Variants in KCND2 observed in about 807,000 individuals in gnomAD.
KCND2 encodes A-type voltage-gated potassium channel KCND2.
A neutral mutation model predicts 54.4 loss-of-function variants in KCND2; 16 were observed. The observed-to-expected ratio is 0.29, with a 90% confidence interval of 0.20 to 0.45. KCND2 has a LOEUF of 0.45. Among genes scored for constraint, KCND2 ranks in the 20% least tolerant of loss-of-function variants. The pLI, the probability that KCND2 is intolerant of heterozygous loss-of-function variation, is 1.00. For missense variants in KCND2, 486 were observed against 824.2 expected, an observed-to-expected ratio of 0.59 and a Z score of 5.02; for synonymous variants, 317 against 310.7, an observed-to-expected ratio of 1.02 and a Z score of -0.21.
At chr7:120,305,931 C>T (rs1329030228) in intron 1 of KCND2, among the ~76,000 whole-genome samples, 1 of 152,172 alleles carries the variant, frequency 6.6e-6, no homozygotes, top group Non-Finnish European at 1.5e-5. Context: ...ACTTACCTGG[C>T]TTCACCTTTG....
At chr7:120,611,258 C>G (rs1330188632) in intron 1 of KCND2, among the ~76,000 whole-genome samples, 1 of 152,146 alleles carries the variant, frequency 6.6e-6, no homozygotes, top group Non-Finnish European at 1.5e-5. Context: ...TCTTTTTGTG[C>G]TTTTTAAAAA....
rs933011990 is a variant in KCND2, at chr7:120,600,861, G to T, written c.1116-132042G>T. On this transcript the variant is annotated intron_variant, in intron 1 of 5. Transcript: ENST00000331113. ...GTTAACTGAACAACTCAATGAATCA[G>T]TAAATCAATGGTCATGTATAATTTT... Among the ~76,000 whole-genome samples the T allele has an allele frequency of 1.5e-4, 23 of 152,024 alleles. 1 individual carries two copies. The East Asian group carries it at 4.2e-3, about 28-fold the overall frequency.
At chr7:120,384,890 T>C (rs1017126533) in intron 1 of KCND2, among the ~76,000 whole-genome samples, 2 of 152,096 alleles carry the variant, frequency 1.3e-5, no homozygotes, top group African/African-American at 4.8e-5. Context: ...GGAAAAAAGA[T>C]TGAGTTTCGG....
intron 1 of KCND2, among the ~76,000 whole-genome samples, chr7:120,633,527 C>A (rs1183834606): frequency 6.6e-6 from 1 of 152,142 alleles, no homozygotes; most frequent in Admixed American, 6.5e-5. Context: ...GCTGAACCAT[C>A]CAAATCATAA....
chr7:120,635,562 AG>A (rs1403457781), intron 1 of KCND2, among the ~76,000 whole-genome samples: 2 of 152,204 alleles, frequency 1.3e-5, no homozygotes, highest in African/African-American at 2.4e-5. Context: ...TAATCAGGTG[AG>A]TGTTTATTAC....
At chr7:120,450,042 C>T (rs970352507) in intron 1 of KCND2, among the ~76,000 whole-genome samples, 1 of 152,180 alleles carries the variant, frequency 6.6e-6, no homozygotes, top group Non-Finnish European at 1.5e-5. Flanking sequence ...AAGCATTTAA[C>T]TCTAGTGAAG....
intron 1 of KCND2, among the ~76,000 whole-genome samples, chr7:120,499,706 T>C (rs1802904551): frequency 6.6e-6 from 1 of 152,302 alleles, no homozygotes; most frequent in African/African-American, 2.4e-5. Context: ...AGATCCAGCA[T>C]ACATGTCATT....
chr7:120,296,336 A>G (rs1247778709), intron 1 of KCND2, among the ~76,000 whole-genome samples: 1 of 152,080 alleles, frequency 6.6e-6, no homozygotes, highest in Non-Finnish European at 1.5e-5. Flanking sequence ...ACAAAATTTC[A>G]CAAAGTTTCT....
chr7:120,326,753 G>A (rs1299316550), intron 1 of KCND2, among the ~76,000 whole-genome samples: 2 of 151,870 alleles, frequency 1.3e-5, no homozygotes, highest in East Asian at 1.9e-4. Flanking sequence ...TTGCCTACAG[G>A]AAAGTAAACT....
At chr7:120,655,563 T>C (rs375613547) in intron 1 of KCND2, among the ~76,000 whole-genome samples, 1 of 152,096 alleles carries the variant, frequency 6.6e-6, no homozygotes, top group African/African-American at 2.4e-5. Flanking sequence ...AATATAGTAA[T>C]AGCAAAAACA....
chr7:120,335,331 C>T (rs1266785661), intron 1 of KCND2, among the ~76,000 whole-genome samples: 1 of 136,744 alleles, frequency 7.3e-6, no homozygotes, highest in African/African-American at 2.8e-5. Context: ...GCACTCCAGC[C>T]TGGGCGACAG....
Position 120,562,165 on chromosome 7 carries a change from A to G in KCND2, c.1116-170738A>G, listed in dbSNP as rs117434644. Among the ~76,000 whole-genome samples, 798 of 152,330 alleles carry G rather than the reference A, an allele frequency of 5.2e-3. 9 individuals carry two copies. The highest frequency in any genetic ancestry group is 0.043 in the East Asian group (225 of 5,186). ...AGAGGTAGCAGTTAAAAATATGAAT[A>G]TGGCCAAGTTTCCTCAGAGAGCATA... On this transcript the variant is annotated intron_variant, in intron 1 of 5. Transcript: ENST00000331113.
At chr7:120,607,721 G>A (rs1450359627) in intron 1 of KCND2, among the ~76,000 whole-genome samples, 1 of 152,078 alleles carries the variant, frequency 6.6e-6, no homozygotes, top group Non-Finnish European at 1.5e-5. Context: ...AAAAAAGGAT[G>A]AGGAAAGACT....
chr7:120,457,632 C>A (rs1285936250), intron 1 of KCND2, among the ~76,000 whole-genome samples: 1 of 152,198 alleles, frequency 6.6e-6, no homozygotes, highest in East Asian at 1.9e-4. Context: ...TTCAGCAAGT[C>A]TCTAGGAAGT....
intron 1 of KCND2, among the ~76,000 whole-genome samples, chr7:120,530,880 C>T (rs1365405766): frequency 6.6e-6 from 1 of 152,046 alleles, no homozygotes; most frequent in Non-Finnish European, 1.5e-5. Context: ...TTTAACCTCA[C>T]TTACTGCCCT....
At chr7:120,365,939 A>G (rs904437873) in intron 1 of KCND2, among the ~76,000 whole-genome samples, 3 of 152,164 alleles carry the variant, frequency 2.0e-5, no homozygotes, top group Non-Finnish European at 2.9e-5. Context: ...GACATTTAAA[A>G]ATATTATTAC....
chr7:120,508,032 A>G (rs1460507253), intron 1 of KCND2, among the ~76,000 whole-genome samples: 2 of 151,804 alleles, frequency 1.3e-5, no homozygotes, highest in African/African-American at 4.8e-5. Context: ...CATTTTGATC[A>G]TTTTAATGAA....
chr7:120,610,121 G>A (rs913165023), intron 1 of KCND2, among the ~76,000 whole-genome samples: 1 of 151,982 alleles, frequency 6.6e-6, no homozygotes, highest in Admixed American at 6.6e-5. Flanking sequence ...ATACTCAATG[G>A]CATGCGTGAC....
chr7:120,724,579 G>A (rs1310415654), intron 1 of KCND2, among the ~76,000 whole-genome samples: 1 of 152,250 alleles, frequency 6.6e-6, no homozygotes, highest in Middle Eastern at 3.4e-3. Flanking sequence ...GAAGAGCTGT[G>A]GTTATCATGC....
Sources: allele counts gnomAD v4.1 joint callset (sites outside exome capture counted in the v4.1 genomes callset), GRCh38; gene constraint gnomAD v4.1.1; transcripts MANE v1.5; gene names NCBI Gene and HGNC (gene_info 2026-07-23, HGNC 2026-07-21).